Variants in RXRA observed in about 807,000 individuals in gnomAD.
RXRA encodes retinoic acid receptor RXR-alpha.
A neutral mutation model predicts 44.5 loss-of-function variants in RXRA; 5 were observed. The ratio of observed to expected loss-of-function variants is 0.11; its 90% CI spans 0.06 to 0.24. RXRA has a LOEUF of 0.24. Among genes scored for constraint, RXRA ranks in the 10% least tolerant of loss-of-function variants. RXRA has a pLI of 1.00. For synonymous variants in RXRA, 291 were observed against 271.4 expected (o/e 1.07, Z -0.71); for missense variants, 412 against 646.5 (o/e 0.64, Z 3.93).
Position 134,438,268 on chromosome 9 carries a change from G to A in RXRA, c.*1654G>A, listed in dbSNP as rs1282070746. Reference sequence around the variant, plus strand: ...GAGCAGGGGCTTCCTCAGTGGTGAGGGGAGCTGCCTACAGGTTGGACCGGG... The same window carrying A: ...GAGCAGGGGCTTCCTCAGTGGTGAGAGGAGCTGCCTACAGGTTGGACCGGG... On this transcript the variant is annotated 3_prime_UTR_variant, in exon 10 of 10. Coordinates refer to ENST00000481739, the MANE Select transcript of RXRA (RefSeq NM_002957.6). 2 of 152,280 alleles carry A rather than the reference G, an allele frequency of 1.3e-5. No homozygotes were observed. The highest frequency in any genetic ancestry group is 4.8e-5 in the African/African-American group (2 of 41,452). The allele number at this position is 152,280 out of a possible 1,614,324, so 9.4% of individuals were successfully genotyped here.
intron 1 of RXRA, among the ~76,000 whole-genome samples, chr9:134,391,233 A>G (rs73554194): frequency 0.11 from 16,472 of 152,100 alleles, 2,997 homozygotes; most frequent in African/African-American, 0.37. Flanking sequence ...GGCCTCTGGC[A>G]TGGAGCTGGC....
Position 134,326,683 on chromosome 9 carries a change from G to A in RXRA, c.28+24G>A, listed in dbSNP as rs1307385745. 3.4e-6 allele frequency: 3 copies of A among 877,320 alleles called. No homozygotes were observed. The African/African-American group carries it at 5.5e-5, about 16-fold the overall frequency. 54.3% of individuals were successfully genotyped at this position (877,320 alleles called of 1,614,324 possible). A position where few individuals can be genotyped will look rare whatever the true frequency, so the allele number is the denominator to read the frequency against. On this transcript the variant is annotated intron_variant, in intron 1 of 9. Transcript: ENST00000481739. Reference sequence around the variant, plus strand: ...CGGTGAGTGCTCGCCGGGCCGGGCGGGGACGGGGCCGGGGGCCGGGGGCCG... The same window carrying A: ...CGGTGAGTGCTCGCCGGGCCGGGCGAGGACGGGGCCGGGGGCCGGGGGCCG...
chr9:134,338,907 C>T (rs1830046782), intron 1 of RXRA, among the ~76,000 whole-genome samples: 1 of 152,222 alleles, frequency 6.6e-6, no homozygotes, highest in Non-Finnish European at 1.5e-5. Flanking sequence ...TCCCTGCTGA[C>T]CCCTCTGCCC....
intron 4 of RXRA, among the ~76,000 whole-genome samples, chr9:134,413,838 G>T (rs1187500988): frequency 1.3e-5 from 2 of 152,174 alleles, no homozygotes; most frequent in East Asian, 3.9e-4. Flanking sequence ...CCCCAGTGAT[G>T]CTGGGGAGGG....
chr9:134,369,521 GT>G (rs1230609859), intron 1 of RXRA, among the ~76,000 whole-genome samples: 1 of 138,386 alleles, frequency 7.2e-6, no homozygotes, highest in African/African-American at 2.6e-5. Context: ...CTGCGTGTGT[GT>G]GGGGGGGTTA....
At chr9:134,345,540 G>A (rs368623087) in intron 1 of RXRA, among the ~76,000 whole-genome samples, 5 of 152,320 alleles carry the variant, frequency 3.3e-5, no homozygotes, top group African/African-American at 9.6e-5. Context: ...GGGGGCTCTG[G>A]CGGGAGCCGA....
chr9:134,421,650 G>A (rs751429429), intron 5 of RXRA, 26 bp from the exon 6 acceptor site: 1 of 1,551,204 alleles, frequency 6.4e-7, no homozygotes, highest in South Asian at 1.2e-5. Flanking sequence ...GGGACTGAAT[G>A]TCCTGCTCTT....
chr9:134,409,848 TG>T (rs1485182319), intron 4 of RXRA, among the ~76,000 whole-genome samples: 1 of 151,860 alleles, frequency 6.6e-6, no homozygotes, highest in Non-Finnish European at 1.5e-5. Context: ...CTTGTGGAGG[TG>T]GGAGGTGCTG....
intron 4 of RXRA, among the ~76,000 whole-genome samples, chr9:134,411,871 G>C (rs34046532): frequency 0.012 from 1,845 of 152,244 alleles, 34 homozygotes; most frequent in African/African-American, 0.042. Context: ...CTGGCTGTGT[G>C]GGCTGCACAG....
chr9:134,350,116 C>T (rs1830203609), intron 1 of RXRA, among the ~76,000 whole-genome samples: 1 of 151,990 alleles, frequency 6.6e-6, no homozygotes, highest in South Asian at 2.1e-4. Flanking sequence ...CCCAGAGATG[C>T]CAGGAGATGT....
intron 6 of RXRA, chr9:134,424,023 C>T (rs1831392127): frequency 1.0e-6 from 1 of 985,302 alleles, no homozygotes; most frequent in Non-Finnish European, 1.2e-6. Context: ...TTGTGTGGTG[C>T]CTGGCCCTGT....
At chr9:134,402,129 C>T (rs970883486) in intron 2 of RXRA, 48 of 547,072 alleles carry the variant, frequency 8.8e-5, no homozygotes, top group African/African-American at 7.4e-4. Flanking sequence ...TATCTGCCCA[C>T]GTGGCCCCTT....
chr9:134,358,911 G>A (rs1588262726), intron 1 of RXRA, among the ~76,000 whole-genome samples: 1 of 152,216 alleles, frequency 6.6e-6, no homozygotes, highest in South Asian at 2.1e-4. Context: ...GGAAGGGCAG[G>A]CGGAGCTCTG....
Position 134,401,771 on chromosome 9 carries a change from C to T in RXRA, c.168C>T (p.Ser56=). ...ATTCTCCCATCAGCACCCTGAGCTC[C>T]CCCATCAACGGCATGGGCCCGCCTT... The part of the protein sequence containing the change: ...QLHSPISTLS[S]PINGMGPPFS... Residue 56 remains serine (S), a synonymous_variant, in exon 2 of 10, where the codon TCC becomes TCT. Coordinates refer to ENST00000481739, the MANE Select transcript of RXRA (RefSeq NM_002957.6). 2.5e-6 allele frequency: 4 copies of T among 1,613,272 alleles called. No individual in the cohort carries two copies. Among genetic ancestry groups the T allele is most frequent in the Non-Finnish European group, 3.4e-6 (4 of 1,179,956 alleles).
At chr9:134,422,123 G>A (rs1564294770) in intron 6 of RXRA, 6 of 1,321,526 alleles carry the variant, frequency 4.5e-6, no homozygotes, top group Non-Finnish European at 5.9e-6. Context: ...TACCTCCCGG[G>A]ACACTCCCCA....
At chr9:134,390,711 G>C (rs1448748217) in intron 1 of RXRA, among the ~76,000 whole-genome samples, 2 of 152,216 alleles carry the variant, frequency 1.3e-5, no homozygotes, top group African/African-American at 4.8e-5. Flanking sequence ...CCATGTTGGG[G>C]TTGTGATGGG....
intron 4 of RXRA, among the ~76,000 whole-genome samples, chr9:134,409,508 A>G (rs1423890829): frequency 1.3e-5 from 2 of 152,202 alleles, no homozygotes; most frequent in African/African-American, 4.8e-5. Flanking sequence ...GATGGCCCCC[A>G]GGCTCTTGGA....
chr9:134,326,688 G>A, intron 1 of RXRA, 29 bp downstream of exon 1: 4 of 653,708 alleles, frequency 6.1e-6, no homozygotes, highest in Non-Finnish European at 7.5e-6. Flanking sequence ...GGGCGGGGAC[G>A]GGGCCGGGGG....
chr9:134,388,994 T>G (rs1157945413), intron 1 of RXRA, among the ~76,000 whole-genome samples: 1 of 151,880 alleles, frequency 6.6e-6, no homozygotes, highest in Non-Finnish European at 1.5e-5. Context: ...TGAGACCCGG[T>G]GACCTGCCTC....
Sources: allele counts gnomAD v4.1 joint callset (sites outside exome capture counted in the v4.1 genomes callset), GRCh38; gene constraint gnomAD v4.1.1; transcripts MANE v1.5; gene names NCBI Gene and HGNC (gene_info 2026-07-23, HGNC 2026-07-21).